ZFR2: variants seen among roughly 807,000 people sequenced by gnomAD.
ZFR2 encodes zinc finger RNA-binding protein 2.
ZFR2 carries 104 observed loss-of-function variants against 105.7 expected under a neutral mutation model. The observed-to-expected ratio is 0.98, with a 90% CI of 0.84 to 1.16. The LOEUF (loss-of-function observed/expected upper bound fraction) is 1.16. ZFR2 is among the 50% of genes most tolerant of loss of function. ZFR2 has a pLI of 0.00. For synonymous variants in ZFR2, 634 were observed against 597.7 expected, an observed-to-expected ratio of 1.06 and a Z score of -0.89; for missense variants, 1,425 against 1,355.5, an observed-to-expected ratio of 1.05 and a Z score of -0.80.
Position 3,819,441 on chromosome 19 carries a change from G to A in ZFR2, c.1741-206C>T, listed in dbSNP as rs73521134. 2.6e-3 allele frequency among the ~76,000 whole-genome samples: 391 copies of A among 152,324 alleles called. 1 individual carries two copies. Among genetic ancestry groups the A allele is most frequent in the African/African-American group, 8.7e-3 (360 of 41,580 alleles). ...CTGCCCCGATGGCTGCAGGAAGCTC[G>A]GGTCTGAGTGAAGGAATGGGGGGAA... is the stretch of plus-strand genomic sequence containing the variant. On this transcript the variant is annotated intron_variant, in intron 11 of 18. Transcript: ENST00000262961.
chr19:3,810,163 G>A (rs980856871), intron 16 of ZFR2, among the ~76,000 whole-genome samples: 3 of 152,132 alleles, frequency 2.0e-5, no homozygotes, highest in Non-Finnish European at 2.9e-5. Flanking sequence ...GGGGACGCCC[G>A]CAGGGCGGGG....
intron 1 of ZFR2, among the ~76,000 whole-genome samples, chr19:3,862,504 G>T (rs528292555): frequency 1.3e-5 from 2 of 152,248 alleles, no homozygotes; most frequent in Admixed American, 1.3e-4. Flanking sequence ...CACCATGTTG[G>T]CCAGGCTGGT....
intron 1 of ZFR2, among the ~76,000 whole-genome samples, chr19:3,867,086 C>A (rs1401968378): frequency 2.0e-5 from 3 of 152,160 alleles, no homozygotes; most frequent in Admixed American, 6.5e-5. Flanking sequence ...CCGCGGGAAG[C>A]TGAAACACCA....
chr19:3,833,469 G>A (rs1043651032), intron 3 of ZFR2, 195 bp downstream of exon 3: 83 of 461,056 alleles, frequency 1.8e-4, no homozygotes, highest in Non-Finnish European at 3.0e-4. Context: ...CCAGCTACTC[G>A]GGAGGCTGAG....
At chr19:3,855,852 G>A (rs1217929491) in intron 1 of ZFR2, among the ~76,000 whole-genome samples, 2 of 152,156 alleles carry the variant, frequency 1.3e-5, no homozygotes, top group African/African-American at 4.8e-5. Context: ...AATGAGGGGA[G>A]ATGGGGTCAG....
intron 15 of ZFR2, 118 bp from the exon 16 acceptor site, chr19:3,810,963 G>A (rs75643607): frequency 0.038 from 44,351 of 1,160,816 alleles, 1,063 homozygotes; most frequent in Non-Finnish European, 0.047. Context: ...GGCGGGCCTC[G>A]AAGGTGGCGG....
chr19:3,865,509 T>A (rs1341690604), intron 1 of ZFR2, among the ~76,000 whole-genome samples: 1 of 151,814 alleles, frequency 6.6e-6, no homozygotes, highest in East Asian at 1.9e-4. Context: ...CACCACCACA[T>A]CTAGCTAATT....
chr19:3,859,959 C>A (rs2038353233), intron 1 of ZFR2, among the ~76,000 whole-genome samples: 1 of 152,070 alleles, frequency 6.6e-6, no homozygotes, highest in Non-Finnish European at 1.5e-5. Flanking sequence ...CATTTCAGAT[C>A]CAGAAACCCC....
At chr19:3,844,013 T>TA (rs1555757817) in intron 1 of ZFR2, among the ~76,000 whole-genome samples, 1 of 34,748 alleles carries the variant, frequency 2.9e-5, no homozygotes, top group Non-Finnish European at 4.7e-5. Flanking sequence ...AAGTAGGATG[T>TA]GGGGGGGGGG....
At chr19:3,828,424 A>T (rs748528228) in intron 5 of ZFR2, among the ~76,000 whole-genome samples, 6 of 152,190 alleles carry the variant, frequency 3.9e-5, no homozygotes, top group Non-Finnish European at 7.3e-5. Context: ...AGCATGCTCC[A>T]TGCATCACAC....
chr19:3,808,261 G>A (rs1272500160), intron 17 of ZFR2, among the ~76,000 whole-genome samples: 1 of 152,240 alleles, frequency 6.6e-6, no homozygotes, highest in African/African-American at 2.4e-5. Context: ...ATGTGCGTGT[G>A]TGCGTGTGCA....
Position 3,821,351 on chromosome 19 carries a change from G to A in ZFR2, c.1620C>T (p.His540=), listed in dbSNP as rs372906598. 111 of 1,598,634 alleles carry A rather than the reference G, an allele frequency of 6.9e-5. No homozygotes were observed. The highest frequency in any genetic ancestry group is 8.9e-5 in the Non-Finnish European group (104 of 1,174,516). The change falls in exon 10 of 19, where the codon CAC becomes CAT. Residue 540 remains histidine, a synonymous_variant. Coordinates refer to ENST00000262961, the MANE Select transcript of ZFR2 (RefSeq NM_015174.2). ...EERLEQLRRW[H]AERRRLEEEP... ...CCGCAGCCGGGCACCTCCTCTCCGC[G>A]TGCCAGCGCCGCAGCTGCTCCAGCC...
Position 3,807,154 on chromosome 19 carries a change from G to T in ZFR2, c.2643+18C>A. 1 of 1,544,104 alleles carries T rather than the reference G, an allele frequency of 6.5e-7. No individual in the cohort carries two copies. The highest frequency in any genetic ancestry group is 8.8e-7 in the Non-Finnish European group (1 of 1,141,304). On this transcript the variant is annotated intron_variant, in intron 18 of 18. Coordinates refer to ENST00000262961, the MANE Select transcript of ZFR2 (RefSeq NM_015174.2). ...CTGGGGCCTGGGTGTCACCCTTGCC[G>T]TGACTTGACCCTCCTACCTGGGCGC...
At chr19:3,856,094 G>A (rs939459634) in intron 1 of ZFR2, among the ~76,000 whole-genome samples, 2 of 152,216 alleles carry the variant, frequency 1.3e-5, no homozygotes, top group African/African-American at 4.8e-5. Flanking sequence ...GCGCGGTGGA[G>A]GCGGTGCGCG....
At chr19:3,841,313 T>C (rs1174084428) in intron 1 of ZFR2, among the ~76,000 whole-genome samples, 2 of 152,234 alleles carry the variant, frequency 1.3e-5, no homozygotes, top group East Asian at 3.9e-4. Flanking sequence ...GTGGCCTTCC[T>C]CTTCTGTGGG....
rs778325387 is a variant in ZFR2, at chr19:3,834,797, C to T, written c.240G>A (p.Thr80=). The change falls in exon 2 of 19, where the codon ACG becomes ACA. Residue 80 remains threonine, a synonymous_variant. Coordinates refer to ENST00000262961, the MANE Select transcript of ZFR2 (RefSeq NM_015174.2). The surrounding 1 kb of genome is among the most constrained non-coding windows in gnomAD (Gnocchi z 5.3). ...YGSRPQEPVP[T]ATTMATYQDS... is the part of the protein sequence containing the mutation. ...CCTGGTAGGTAGCCATGGTGGTGGC[C>T]GTGGGGACGGGCTCCTGGGGTCGGC... is the stretch of plus-strand genomic sequence containing the variant. 8.1e-6 allele frequency: 13 copies of T among 1,612,106 alleles called. No individual in the cohort carries two copies. Among genetic ancestry groups the T allele is most frequent in the East Asian group, 2.2e-5 (1 of 44,884 alleles).
At position 3,823,223 on chromosome 19, in the gene ZFR2, A is replaced by G. The variant is rs773462457; in HGVS notation, c.1371+23T>C. The G allele has an allele frequency of 6.2e-7, 1 of 1,613,820 alleles. No homozygotes were observed. The highest frequency in any genetic ancestry group is 2.2e-5 in the East Asian group (1 of 44,868). On this transcript the variant is annotated intron_variant, in intron 8 of 18. Coordinates refer to ENST00000262961, the MANE Select transcript of ZFR2 (RefSeq NM_015174.2). This position sits in a 1 kb window ranked among gnomAD's most constrained non-coding sequence, Gnocchi z 5.4. ...AAGGTCCTTCCCTGACCGGGGCACCAGGACTTGACAGCCTCGACTTACCTC... is the reference window on the plus strand; with the variant it reads ...AAGGTCCTTCCCTGACCGGGGCACCGGGACTTGACAGCCTCGACTTACCTC...
rs148367231 is a variant in ZFR2, at chr19:3,860,751, C to T, written c.53+8214G>A. On this transcript the variant is annotated intron_variant, in intron 1 of 18. Transcript: ENST00000262961. Reference sequence around the variant, plus strand: ...CAGCATCGGCTCACTACGGCAACACCTTTTTACTCTTGTGCACCAAACTGG... The same window carrying T: ...CAGCATCGGCTCACTACGGCAACACTTTTTTACTCTTGTGCACCAAACTGG... Among the ~76,000 whole-genome samples, 782 of 152,246 alleles carry T rather than the reference C, an allele frequency of 5.1e-3. 10 individuals are homozygous for T. Among genetic ancestry groups the T allele is most frequent in the African/African-American group, 0.017 (727 of 41,554 alleles).
rs957116207 is a variant in ZFR2, at chr19:3,821,023, G to A, written c.1631+317C>T. On this transcript the variant is annotated intron_variant, in intron 10 of 18. Transcript: ENST00000262961. Reference sequence around the variant, plus strand: ...TAGAGGTCGGGGACACAGGGACACCGGGGGTCGGGGGACACAGGTCACAAG... The same window carrying A: ...TAGAGGTCGGGGACACAGGGACACCAGGGGTCGGGGGACACAGGTCACAAG... 1.5e-4 allele frequency among the ~76,000 whole-genome samples: 22 copies of A among 149,386 alleles called. No individual in the cohort carries two copies. The South Asian group carries it at 4.3e-3, about 29-fold the overall frequency.
Sources: gnomAD v4.1 joint callset for allele counts (sites outside exome capture counted in the v4.1 genomes callset) on GRCh38, gnomAD v4.1.1 for gene constraint, Gnocchi (gnomAD v3.1) non-coding constraint, MANE v1.5 for transcripts, NCBI Gene and HGNC (gene_info 2026-07-23, HGNC 2026-07-21) for gene names.